CWH43: variants seen among roughly 807,000 people sequenced by gnomAD.
CWH43 encodes the protein PGAP2-interacting protein.
A neutral mutation model predicts 85.7 loss-of-function variants in CWH43; 91 were observed. The observed-to-expected ratio is 1.06, with a 90% CI of 0.90 to 1.26. The LOEUF (loss-of-function observed/expected upper bound fraction) is 1.26. Among genes scored for constraint, CWH43 ranks in the 50% most tolerant of loss-of-function variants. The probability of loss-of-function intolerance (pLI) is 0.00; values close to 1 mark genes in which losing one functional copy is unlikely to be tolerated. For missense variants in CWH43, 869 were observed against 839.2 expected (o/e 1.04, Z -0.44); for synonymous variants, 323 against 293.6 (o/e 1.10, Z -1.02).
At chr4:49,030,565 A>C (rs1011001020) in intron 10 of CWH43, among the ~76,000 whole-genome samples, 2 of 152,212 alleles carry the variant, frequency 1.3e-5, no homozygotes, top group Non-Finnish European at 2.9e-5. Flanking sequence ...TTTGGGAATG[A>C]TGTTGAGCAC....
intron 9 of CWH43, among the ~76,000 whole-genome samples, chr4:49,022,061 G>A (rs992373903): frequency 6.6e-5 from 10 of 152,106 alleles, no homozygotes; most frequent in Admixed American, 1.3e-4. Context: ...CTTGTTCAAT[G>A]TGCTGGCTAG....
chr4:49,061,855 C>T lies in CWH43; in HGVS notation c.2065C>T (p.His689Tyr). 1.5e-6 allele frequency: 2 copies of T among 1,377,770 alleles called. No homozygotes were observed. Among genetic ancestry groups the T allele is most frequent in the Non-Finnish European group, 1.9e-6 (2 of 1,037,958 alleles). 85.3% of individuals were successfully genotyped at this position (1,377,770 alleles called of 1,614,324 possible). ...AGGACACAATTATGAAAACAACCAT[C>T]ATTTTCATATGAATACTCCCAAATA... is the stretch of plus-strand genomic sequence containing the variant. ...KEGHNYENNH[H>Y]FHMNTPKYFL is the part of the protein sequence containing the mutation. Residue 689 changes from histidine to tyrosine, a missense_variant, in exon 16 of 16, where the codon CAT (histidine) becomes TAT (tyrosine). His to Tyr is a moderately conservative substitution (Grantham distance 83). Around this residue, in one of 3 missense-constraint regions of CWH43, gnomAD observed 577 missense variants for 513.1 expected, o/e 1.12. Transcript: ENST00000226432.
At chr4:48,994,447 A>T (rs1222207238) in intron 4 of CWH43, among the ~76,000 whole-genome samples, 172 bp from the exon 5 acceptor site, 1 of 152,240 alleles carries the variant, frequency 6.6e-6, no homozygotes, top group Non-Finnish European at 1.5e-5. Flanking sequence ...TCTCCCACTA[A>T]ATAGCTGTCA....
chr4:49,045,271 C>T (rs1784587890), intron 14 of CWH43, among the ~76,000 whole-genome samples: 2 of 152,096 alleles, frequency 1.3e-5, no homozygotes, highest in African/African-American at 2.4e-5. Flanking sequence ...TTGATGGGGC[C>T]ATTACTATAC....
intron 9 of CWH43, 72 bp from the exon 10 acceptor site, chr4:49,028,557 T>G: frequency 3.2e-6 from 3 of 930,114 alleles, no homozygotes; most frequent in East Asian, 2.5e-5. Context: ...TAGAGAGGAG[T>G]GGAGAAAAGT....
intron 13 of CWH43, among the ~76,000 whole-genome samples, chr4:49,039,899 C>T (rs1027448774): frequency 3.9e-5 from 6 of 151,972 alleles, no homozygotes; most frequent in Admixed American, 1.3e-4. Flanking sequence ...TCCCCCGTCC[C>T]CACACCCCAC....
intron 13 of CWH43, among the ~76,000 whole-genome samples, chr4:49,041,626 C>T (rs185932488): frequency 1.8e-4 from 28 of 152,142 alleles, no homozygotes; most frequent in South Asian, 4.1e-4. Flanking sequence ...GTTGCTCATC[C>T]GCTTAAGGAG....
At chr4:48,997,123 T>C (rs1469241562) in intron 5 of CWH43, among the ~76,000 whole-genome samples, 2 of 152,320 alleles carry the variant, frequency 1.3e-5, no homozygotes, top group Admixed American at 1.3e-4. Flanking sequence ...TCTGACAGAA[T>C]AGGTGTGTTT....
chr4:49,038,080 T>G lies in CWH43; in HGVS notation c.1703T>G (p.Leu568Arg). 1 of 1,612,790 alleles carries G rather than the reference T, an allele frequency of 6.2e-7. No homozygotes were observed. Among genetic ancestry groups the G allele is most frequent in the Non-Finnish European group, 8.5e-7 (1 of 1,179,486 alleles). The change falls in exon 13 of 16, where the codon CTA becomes CGA. Residue 568 changes from leucine to arginine, a missense_variant. This residue lies in a region of CWH43 where 577 missense variants were observed against 513.1 expected (regional missense o/e 1.12). Coordinates refer to ENST00000226432, the MANE Select transcript of CWH43 (RefSeq NM_025087.3). ...RKLQAIAVSKLLKSSSNQVIF... is the reference protein window; with the variant it reads ...RKLQAIAVSKRLKSSSNQVIF... ...CTGCAGGCTATTGCTGTTTCAAAACTACTGAAAAGTAGCTCTAATCAAGTG... is the reference window on the plus strand; with the variant it reads ...CTGCAGGCTATTGCTGTTTCAAAACGACTGAAAAGTAGCTCTAATCAAGTG...
At chr4:49,017,060 C>T in intron 8 of CWH43, 189 bp from the exon 9 acceptor site, 1 of 736,978 alleles carries the variant, frequency 1.4e-6, no homozygotes, top group Non-Finnish European at 2.5e-6. Context: ...CGGCTGGCAC[C>T]TTGGTCACGT....
chr4:48,990,570 C>G (rs960495578), intron 2 of CWH43, among the ~76,000 whole-genome samples: 5 of 152,148 alleles, frequency 3.3e-5, no homozygotes, highest in Non-Finnish European at 7.3e-5. Context: ...GAAACCAGTT[C>G]ATACTCCTAT....
At chr4:49,060,490 C>T (rs750019067) in intron 15 of CWH43, among the ~76,000 whole-genome samples, 22 of 152,114 alleles carry the variant, frequency 1.4e-4, no homozygotes, top group Admixed American at 5.2e-4. Flanking sequence ...TGGGTGCCAG[C>T]CTGGTGCCAA....
chr4:49,039,020 T>G (rs1265300077), intron 13 of CWH43, among the ~76,000 whole-genome samples: 1 of 150,552 alleles, frequency 6.6e-6, no homozygotes, highest in African/African-American at 2.5e-5. Context: ...ATCGCACCAC[T>G]ACACTCCAGC....
rs746842057 is a variant in CWH43, at chr4:48,994,805, A to T, written c.698A>T (p.Asp233Val). 3 of 1,613,896 alleles carry T rather than the reference A, an allele frequency of 1.9e-6. No individual in the cohort carries two copies. The highest frequency in any genetic ancestry group is 2.5e-6 in the Non-Finnish European group (3 of 1,180,018). Residue 233 changes from aspartate to valine, a missense_variant, in exon 5 of 16, where the codon GAT becomes GTT. Around this residue, in one of 3 missense-constraint regions of CWH43, gnomAD observed 152 missense variants for 203.6 expected, o/e 0.75. Transcript: ENST00000226432. ...AGTGGGCATCCACATCCAGGGCCAG[A>T]TCCTAACCCATTTGGGTGAGTTTGG... is the stretch of plus-strand genomic sequence containing the variant. The part of the protein sequence containing the change: ...AVSGHPHPGP[D>V]PNPFGGAVLL...
At chr4:48,991,839 C>A in intron 3 of CWH43, 97 bp from the exon 4 acceptor site, 2 of 1,083,328 alleles carry the variant, frequency 1.8e-6, no homozygotes, top group Non-Finnish European at 2.7e-6. Context: ...ACCAATAAGA[C>A]TATTTCAGCT....
intron 2 of CWH43, among the ~76,000 whole-genome samples, chr4:48,990,232 T>A (rs1782618201): frequency 6.6e-6 from 1 of 152,212 alleles, no homozygotes; most frequent in African/African-American, 2.4e-5. Context: ...TCTTCCTCCA[T>A]GAAAACACAT....
intron 9 of CWH43, among the ~76,000 whole-genome samples, chr4:49,028,019 A>G (rs1331030207): frequency 2.0e-5 from 3 of 152,162 alleles, no homozygotes; most frequent in African/African-American, 7.2e-5. Flanking sequence ...CACTTCTTCA[A>G]TATGTTGAAG....
intron 13 of CWH43, among the ~76,000 whole-genome samples, chr4:49,039,334 C>CTGATATATATATATACTGAT: frequency 1.5e-4 from 1 of 6,510 alleles, no homozygotes; most frequent in South Asian, 8.1e-3. Flanking sequence ...TATATATATA[C>CTGATATATATATATACTGAT]TGATGTATAT....
chr4:49,043,153 T>A (rs1325161679), intron 13 of CWH43, among the ~76,000 whole-genome samples: 1 of 152,156 alleles, frequency 6.6e-6, no homozygotes, highest in African/African-American at 2.4e-5. Flanking sequence ...TGCAAAGTGG[T>A]GAGAGTGATA....
Sources: gnomAD v4.1 joint callset for allele counts (sites outside exome capture counted in the v4.1 genomes callset) on GRCh38, gnomAD v4.1.1 for gene constraint, gnomAD v4.1.1 regional missense constraint, MANE v1.5 for transcripts, NCBI Gene and HGNC (gene_info 2026-07-23, HGNC 2026-07-21) for gene names.